Variants in PLD5 observed in about 807,000 individuals in gnomAD.
PLD5 encodes the protein phospholipase D family member 5, also known as inactive phospholipase D5.
Under a neutral mutation model 61.1 loss-of-function variants are expected in PLD5, and 36 were observed. The ratio of observed to expected loss-of-function variants is 0.59; its 90% confidence interval spans 0.45 to 0.78. PLD5 has a LOEUF of 0.78. Ranked by LOEUF, PLD5 falls within the 30% of genes least tolerant of loss-of-function variation. The pLI is 0.00. For missense variants in PLD5, 515 were observed against 644.4 expected (o/e 0.80, Z 2.17); for synonymous variants, 243 against 242.8 (o/e 1.00, Z -0.01).
chr1:242,496,967 C>T (rs1439255800), intron 1 of PLD5, among the ~76,000 whole-genome samples: 1 of 152,194 alleles, frequency 6.6e-6, no homozygotes, highest in African/African-American at 2.4e-5. Context: ...CCTCCATCCT[C>T]TGGCTGAGAA....
intron 1 of PLD5, among the ~76,000 whole-genome samples, chr1:242,500,902 T>C (rs540156033): frequency 5.9e-5 from 9 of 152,240 alleles, no homozygotes; most frequent in African/African-American, 1.9e-4. Context: ...AGAGGGAAGA[T>C]GAAAGGTTAG....
intron 4 of PLD5, among the ~76,000 whole-genome samples, chr1:242,240,930 G>A (rs1034647497): frequency 6.6e-6 from 1 of 152,192 alleles, no homozygotes; most frequent in Non-Finnish European, 1.5e-5. Flanking sequence ...ATTCTGGGAA[G>A]AGAACTGGGT....
At chr1:242,502,741 G>A (rs981852873) in intron 1 of PLD5, among the ~76,000 whole-genome samples, 3 of 152,062 alleles carry the variant, frequency 2.0e-5, no homozygotes, top group African/African-American at 2.4e-5. Context: ...ATTTAAGATG[G>A]AGAAGATAGA....
intron 3 of PLD5, among the ~76,000 whole-genome samples, chr1:242,286,394 G>A (rs1449979286): frequency 2.6e-5 from 4 of 152,176 alleles, no homozygotes; most frequent in Admixed American, 6.5e-5. Context: ...TCGCTGACCT[G>A]TCTCTTCCTG....
At position 242,100,773 on chromosome 1, in the gene PLD5, C is replaced by G; in HGVS notation, c.1249G>C (p.Asp417His). The change falls in exon 9 of 10, where the codon GAT (aspartate) becomes CAT (histidine). Residue 417 changes from aspartate to histidine, a missense_variant. This residue lies in a region of PLD5 where 450 missense variants were observed against 598.1 expected (regional missense o/e 0.75). Coordinates refer to ENST00000536534, the MANE Select transcript of PLD5 (RefSeq NM_001372062.1). Reference sequence around the variant, plus strand: ...GCACAAGCATTCTCTCTTTCCAGATCAAAAAATTTCTGTAAGAAAAAAAAA... The same window carrying G: ...GCACAAGCATTCTCTCTTTCCAGATGAAAAAATTTCTGTAAGAAAAAAAAA... ...ANCSLKVKFF[D>H]LERENACATK... is the part of the protein sequence containing the mutation. 1 of 1,596,984 alleles carries G rather than the reference C, an allele frequency of 6.3e-7. No individual in the cohort carries two copies. The highest frequency in any genetic ancestry group is 1.1e-5 in the South Asian group (1 of 88,298).
At chr1:242,328,577 A>C (rs1008191111) in intron 2 of PLD5, among the ~76,000 whole-genome samples, 2 of 152,226 alleles carry the variant, frequency 1.3e-5, no homozygotes. Flanking sequence ...ATATAGTTAT[A>C]TATATGTGGC....
intron 1 of PLD5, chr1:242,449,447 G>A (rs1477560385): frequency 3.3e-6 from 5 of 1,535,106 alleles, no homozygotes; most frequent in East Asian, 4.9e-5. Context: ...AGCCTTCAGA[G>A]GCAGAGAATG....
At chr1:242,106,466 C>T (rs1302753582) in intron 8 of PLD5, among the ~76,000 whole-genome samples, 3 of 152,186 alleles carry the variant, frequency 2.0e-5, no homozygotes, top group Non-Finnish European at 4.4e-5. Context: ...ATTCACAAAC[C>T]TGTTCCTTTG....
chr1:242,374,482 C>T (rs569111258), intron 1 of PLD5, among the ~76,000 whole-genome samples: 37 of 152,258 alleles, frequency 2.4e-4, no homozygotes, highest in Non-Finnish European at 4.4e-4. Flanking sequence ...TCGCCTATCT[C>T]TCAATACCAT....
intron 1 of PLD5, among the ~76,000 whole-genome samples, chr1:242,474,208 C>T (rs1235379131): frequency 6.6e-6 from 1 of 152,170 alleles, no homozygotes; most frequent in East Asian, 1.9e-4. Flanking sequence ...TTTGCAACAA[C>T]CTAATATAAG....
intron 2 of PLD5, among the ~76,000 whole-genome samples, chr1:242,328,459 T>C (rs916848071): frequency 6.6e-6 from 1 of 152,206 alleles, no homozygotes; most frequent in African/African-American, 2.4e-5. Context: ...TGTACATGTG[T>C]GTTCTACATA....
At position 242,440,798 on chromosome 1, in the gene PLD5, A is replaced by C. The variant is rs552550416; in HGVS notation, c.189+83290T>G. 4.6e-5 allele frequency among the ~76,000 whole-genome samples: 7 copies of C among 152,262 alleles called. No homozygotes were observed. The South Asian group carries it at 1.4e-3, about 32-fold the overall frequency. ...CACTATGTTTTTTCTGAAACCACTC[A>C]TTGCTCCCTCTCCCTCACTCCGCCT... On this transcript the variant is annotated intron_variant, in intron 1 of 9. Transcript: ENST00000536534.
chr1:242,434,682 C>T (rs1182397035), intron 1 of PLD5, among the ~76,000 whole-genome samples: 11 of 152,090 alleles, frequency 7.2e-5, no homozygotes, highest in Non-Finnish European at 1.2e-4. Context: ...GGTGCAATCT[C>T]GGCTCACTGC....
At chr1:242,112,282 A>ATT (rs1661562364) in intron 7 of PLD5, among the ~76,000 whole-genome samples, 1 of 115,548 alleles carries the variant, frequency 8.7e-6, no homozygotes, top group South Asian at 3.2e-4. Flanking sequence ...CAAAGGATGC[A>ATT]CTGTGTGTGT....
intron 1 of PLD5, among the ~76,000 whole-genome samples, chr1:242,418,544 G>T (rs371042827): frequency 1.3e-5 from 2 of 152,262 alleles, no homozygotes; most frequent in African/African-American, 4.8e-5. Flanking sequence ...GGTAAAATCA[G>T]CAAAGGAGAC....
At chr1:242,500,873 G>A (rs767055258) in intron 1 of PLD5, among the ~76,000 whole-genome samples, 12 of 152,070 alleles carry the variant, frequency 7.9e-5, no homozygotes, top group African/African-American at 2.7e-4. Context: ...ACTAAATGTC[G>A]GGGCTTCACA....
At chr1:242,379,889 C>T (rs1329842323) in intron 1 of PLD5, among the ~76,000 whole-genome samples, 2 of 152,170 alleles carry the variant, frequency 1.3e-5, no homozygotes, top group African/African-American at 4.8e-5. Flanking sequence ...TTACCTTTTA[C>T]AGCCCCAGCT....
At chr1:242,442,763 A>C (rs1386620851) in intron 1 of PLD5, among the ~76,000 whole-genome samples, 1 of 152,196 alleles carries the variant, frequency 6.6e-6, no homozygotes, top group East Asian at 1.9e-4. Context: ...ATAATCCTAA[A>C]CTAGTAAAGT....
chr1:242,207,294 G>A (rs760613418), intron 5 of PLD5, among the ~76,000 whole-genome samples: 7 of 152,022 alleles, frequency 4.6e-5, no homozygotes, highest in Admixed American at 1.3e-4. Context: ...CCATCAGCCC[G>A]CTCCCCGCTT....
Sources: allele counts gnomAD v4.1 joint callset (sites outside exome capture counted in the v4.1 genomes callset), GRCh38; gene constraint gnomAD v4.1.1; regional missense constraint gnomAD v4.1.1; transcripts MANE v1.5; gene names NCBI Gene and HGNC (gene_info 2026-07-23, HGNC 2026-07-21).